The following SEPSECS variants were observed in gnomAD, a reference collection of about 807,000 sequenced individuals.
SEPSECS encodes the protein Sep (O-phosphoserine) tRNA:Sec (selenocysteine) tRNA synthase, also known as O-phosphoseryl-tRNA(Sec) selenium transferase.
Under a neutral mutation model 52.1 loss-of-function variants are expected in SEPSECS, and 42 were observed. That is an observed-to-expected ratio of 0.81 (90% confidence interval 0.63 to 1.04). The LOEUF (loss-of-function observed/expected upper bound fraction) is 1.04. SEPSECS is among the 50% of genes least tolerant of loss of function. The pLI, the probability that SEPSECS is intolerant of heterozygous loss-of-function variation, is 0.00. For synonymous variants in SEPSECS, 216 were observed against 211.4 expected, an observed-to-expected ratio of 1.02 and a Z score of -0.19; for missense variants, 590 against 610.6, an observed-to-expected ratio of 0.97 and a Z score of 0.36.
chr4:25,159,550 T>C lies in SEPSECS; in HGVS notation c.115-443A>G, dbSNP rs544841745. ...ACTTTGGAAGGCCAAGAATGGCCGA[T>C]CACTTGAAGTCAGGAGTTTGAGATC... On this transcript the variant is annotated intron_variant, in intron 1 of 10. Transcript: ENST00000382103. 5.0e-4 allele frequency: 211 copies of C among 422,514 alleles called. 1 individual carries two copies. The highest frequency in any genetic ancestry group is 3.3e-3 in the South Asian group (207 of 62,024). The allele number at this position is 422,514 out of a possible 1,614,324, so 26.2% of individuals were successfully genotyped here. A position where few individuals can be genotyped will look rare whatever the true frequency, so the allele number is the denominator to read the frequency against.
chr4:25,151,519 TA>T (rs909650568), intron 6 of SEPSECS, among the ~76,000 whole-genome samples: 7 of 151,196 alleles, frequency 4.6e-5, no homozygotes, highest in African/African-American at 2.4e-5. Context: ...AGCTGATGCT[TA>T]AAAAAAAATA....
chr4:25,154,322 T>C (rs1236404520), intron 5 of SEPSECS, among the ~76,000 whole-genome samples: 1 of 152,080 alleles, frequency 6.6e-6, no homozygotes, highest in African/African-American at 2.4e-5. Flanking sequence ...GTCAATATAG[T>C]GCTTACAAAT....
At chr4:25,141,425 A>T (rs1327700801) in intron 8 of SEPSECS, among the ~76,000 whole-genome samples, 1 of 152,156 alleles carries the variant, frequency 6.6e-6, no homozygotes, top group East Asian at 1.9e-4. Flanking sequence ...CTTAAGGTCA[A>T]TTCAAATTCA....
At chr4:25,158,922 T>G in intron 2 of SEPSECS, 31 bp downstream of exon 2, 1 of 1,598,730 alleles carries the variant, frequency 6.3e-7, no homozygotes, top group Non-Finnish European at 8.6e-7. Context: ...AAATAAACGA[T>G]GTATCTCCTG....
At chr4:25,159,902 TTC>T in intron 1 of SEPSECS, 1 of 1,175,914 alleles carries the variant, frequency 8.5e-7, no homozygotes, top group Non-Finnish European at 1.1e-6. Flanking sequence ...CCATTATGTG[TTC>T]TGAGTCGTTG....
At chr4:25,153,220 TA>T (rs1271050267) in intron 5 of SEPSECS, among the ~76,000 whole-genome samples, 4 of 152,078 alleles carry the variant, frequency 2.6e-5, no homozygotes, top group Admixed American at 1.3e-4. Context: ...ATGATGTTTT[TA>T]ACAAAATAGA....
intron 2 of SEPSECS, among the ~76,000 whole-genome samples, chr4:25,158,101 C>T (rs1199431977): frequency 2.6e-5 from 4 of 152,098 alleles, no homozygotes; most frequent in Non-Finnish European, 4.4e-5. Context: ...GGAGGATTAT[C>T]GAAGAATACT....
intron 6 of SEPSECS, among the ~76,000 whole-genome samples, chr4:25,146,446 T>G (rs540247479): frequency 6.7e-6 from 1 of 149,318 alleles, no homozygotes; most frequent in East Asian, 1.9e-4. Context: ...CACAGGAAAA[T>G]AGAGAGATGC....
At position 25,155,054 on chromosome 4, in the gene SEPSECS, A is replaced by G; in HGVS notation, c.645T>C (p.Asp215=). The change falls in exon 5 of 11, where the codon GAT becomes GAC. Residue 215 remains aspartate, a synonymous_variant. Coordinates refer to ENST00000382103, the MANE Select transcript of SEPSECS (RefSeq NM_016955.4). ...TAGTAGAATGAATACACAGAATGCA[A>G]TCAGGCCCAAGTTCCTGGACTTTAG... ...VEAKVQELGP[D]CILCIHSTTS... is the part of the protein sequence containing the mutation. The G allele has an allele frequency of 6.2e-7, 1 of 1,614,138 alleles. No individual in the cohort carries two copies. The highest frequency in any genetic ancestry group is 8.5e-7 in the Non-Finnish European group (1 of 1,179,992).
At chr4:25,145,600 T>C (rs1711912542) in intron 6 of SEPSECS, among the ~76,000 whole-genome samples, 1 of 152,196 alleles carries the variant, frequency 6.6e-6, no homozygotes, top group African/African-American at 2.4e-5. Context: ...ACCTTAAAAT[T>C]TGATAAGAAA....
In SEPSECS at chr4:25,160,441, A is replaced by G; in HGVS notation, c.-72T>C. The G allele has an allele frequency of 4.0e-6, 5 of 1,258,856 alleles. No homozygotes were observed. In the South Asian group the frequency reaches 6.6e-5, roughly 17 times the overall value. The allele number at this position is 1,258,856 out of a possible 1,614,324, so 78.0% of individuals were successfully genotyped here. On this transcript the variant is annotated 5_prime_UTR_variant, in exon 1 of 11. Transcript: ENST00000382103. ...ACGCCAGACACACGACGGAACCAGA[A>G]TGCAACTCGCCGCCTGGACGGTACG...
At position 25,122,813 on chromosome 4, in the gene SEPSECS, G is replaced by A. The variant is rs185604480; in HGVS notation, c.*1118C>T. 6.6e-6 allele frequency: 1 copy of A among 152,190 alleles called. No homozygotes were observed. The allele number at this position is 152,190 out of a possible 1,614,324, so 9.4% of individuals were successfully genotyped here. On this transcript the variant is annotated 3_prime_UTR_variant, in exon 11 of 11. Coordinates refer to ENST00000382103, the MANE Select transcript of SEPSECS (RefSeq NM_016955.4). ...AATTATTGTTAAAGCCAGTAAGTCT[G>A]GAATTTCAGACTCAGAAAAATGAGC...
At chr4:25,137,165 C>A (rs891745253) in intron 8 of SEPSECS, among the ~76,000 whole-genome samples, 3 of 152,148 alleles carry the variant, frequency 2.0e-5, no homozygotes, top group African/African-American at 7.2e-5. Context: ...GCAAAGATTT[C>A]ATGATGAAAA....
chr4:25,134,830 C>T (rs1728769707), intron 8 of SEPSECS, among the ~76,000 whole-genome samples: 1 of 152,056 alleles, frequency 6.6e-6, no homozygotes, highest in Non-Finnish European at 1.5e-5. Context: ...AGTGTCACCC[C>T]TCAGCAAATG....
Position 25,121,376 on chromosome 4 carries a change from A to C in SEPSECS, c.*2555T>G, listed in dbSNP as rs139877142. 1 of 152,292 alleles carries C rather than the reference A, an allele frequency of 6.6e-6. No individual in the cohort carries two copies. The highest frequency in any genetic ancestry group is 1.9e-4 in the East Asian group (1 of 5,190). The allele number at this position is 152,292 out of a possible 1,614,324, so 9.4% of individuals were successfully genotyped here. A position where few individuals can be genotyped will look rare whatever the true frequency, so the allele number is the denominator to read the frequency against. On this transcript the variant is annotated 3_prime_UTR_variant, in exon 11 of 11. Transcript: ENST00000382103. ...CAATGACTTTAAAAACCTAACTCCA[A>C]TATTTTACCTGATAGTTTTAATAAG...
At chr4:25,150,003 A>G (rs1424365430) in intron 6 of SEPSECS, among the ~76,000 whole-genome samples, 1 of 152,236 alleles carries the variant, frequency 6.6e-6, no homozygotes, top group Non-Finnish European at 1.5e-5. Flanking sequence ...GTTTAAGCCA[A>G]CTTGAGTTGG....
chr4:25,156,380 T>C (rs1293046438), intron 3 of SEPSECS, among the ~76,000 whole-genome samples, 185 bp from the exon 4 acceptor site: 1 of 147,026 alleles, frequency 6.8e-6, no homozygotes, highest in Non-Finnish European at 1.5e-5. Flanking sequence ...TGATTTTCTA[T>C]CTTATTCTAA....
chr4:25,151,790 G>T (rs1712317657), intron 6 of SEPSECS, among the ~76,000 whole-genome samples, 170 bp downstream of exon 6: 1 of 152,092 alleles, frequency 6.6e-6, no homozygotes, highest in African/African-American at 2.4e-5. Flanking sequence ...CAGTATCAAA[G>T]AATAATGACT....
At chr4:25,143,549 C>T (rs1259776312) in intron 8 of SEPSECS, among the ~76,000 whole-genome samples, 1 of 152,144 alleles carries the variant, frequency 6.6e-6, no homozygotes, top group African/African-American at 2.4e-5. Flanking sequence ...AGTGGTATTT[C>T]ATTGTGGTTT....
Sources: gnomAD v4.1 joint callset for allele counts (sites outside exome capture counted in the v4.1 genomes callset) on GRCh38, gnomAD v4.1.1 for gene constraint, MANE v1.5 for transcripts, NCBI Gene and HGNC (gene_info 2026-07-23, HGNC 2026-07-21) for gene names.